The following CRYBG1 variants were observed in gnomAD, a reference collection of about 807,000 sequenced individuals.
The protein encoded by CRYBG1 is beta/gamma crystallin domain-containing protein 1.
Under a neutral mutation model 189.2 loss-of-function variants are expected in CRYBG1, and 139 were observed. The ratio of observed to expected loss-of-function variants is 0.73; its 90% CI spans 0.64 to 0.85. CRYBG1 has a LOEUF of 0.85. Among genes scored for constraint, CRYBG1 ranks in the 40% least tolerant of loss-of-function variants. The pLI is 0.00. For missense variants in CRYBG1, 2,611 were observed against 2,675.8 expected (o/e 0.98, Z 0.53); for synonymous variants, 1,023 against 1,017.1 (o/e 1.01, Z -0.11).
intron 19 of CRYBG1, 28 bp downstream of exon 19, chr6:106,560,954 T>C (rs780043768): frequency 1.3e-6 from 2 of 1,538,642 alleles, no homozygotes; most frequent in Admixed American, 4.6e-5. Flanking sequence ...ATGCTCTGCA[T>C]AGACTCTTCT....
rs1239995873 is a variant in CRYBG1, at chr6:106,519,955, C to A, written c.2747C>A (p.Ser916Tyr). 1 of 1,614,170 alleles carries A rather than the reference C, an allele frequency of 6.2e-7. No homozygotes were observed. The highest frequency in any genetic ancestry group is 1.7e-5 in the Admixed American group (1 of 60,028). Residue 916 changes from serine to tyrosine, a missense_variant, in exon 4 of 22, where the codon TCT becomes TAT. Physicochemically the swap from Ser to Tyr is moderately radical, Grantham distance 144. Coordinates refer to ENST00000633556, the MANE Select transcript of CRYBG1 (RefSeq NM_001371242.2). ...CATAAAGGATGTGTTTTGCCTGTGTCTCGTCAGAACAATGAGAAAATGCCA... is the reference window on the plus strand; with the variant it reads ...CATAAAGGATGTGTTTTGCCTGTGTATCGTCAGAACAATGAGAAAATGCCA... ...ENHKGCVLPV[S>Y]RQNNEKMPLL...
At chr6:106,459,713 A>AT (rs1188703779) in intron 2 of CRYBG1, among the ~76,000 whole-genome samples, 2 of 151,722 alleles carry the variant, frequency 1.3e-5, no homozygotes, top group African/African-American at 2.4e-5. Context: ...TTGCTTCTAC[A>AT]TTTTTTTTCT....
rs71663353 is a variant in CRYBG1 at position 106,416,999 on chromosome 6, C to CTTTTT, written c.174-34675_174-34671dup. Among the ~76,000 whole-genome samples, 528 of 69,492 alleles carry CTTTTT rather than the reference C, an allele frequency of 7.6e-3. 77 individuals are homozygous for CTTTTT. The highest frequency in any genetic ancestry group is 0.029 in the African/African-American group (456 of 15,688). 45.6% of individuals were successfully genotyped at this position (69,492 alleles called of 152,430 possible). A position where few individuals can be genotyped will look rare whatever the true frequency, so the allele number is the denominator to read the frequency against. ...AGAACAAAGGCAATGATGGGATTTACTTTTTTTTTTTTTTTTTTTTTTTTG... is the reference window on the plus strand; with the variant it reads ...AGAACAAAGGCAATGATGGGATTTACTTTTTTTTTTTTTTTTTTTTTTTTTTTTTG... On this transcript the variant is annotated intron_variant, in intron 1 of 21. Transcript: ENST00000633556.
At chr6:106,376,803 A>G (rs1219490317) in intron 1 of CRYBG1, among the ~76,000 whole-genome samples, 1 of 152,190 alleles carries the variant, frequency 6.6e-6, no homozygotes, top group Non-Finnish European at 1.5e-5. Context: ...CCTGGCTGAC[A>G]TCTGAATCCA....
At chr6:106,409,180 AG>A (rs1329199003) in intron 1 of CRYBG1, among the ~76,000 whole-genome samples, 1 of 152,254 alleles carries the variant, frequency 6.6e-6, no homozygotes, top group Admixed American at 6.5e-5. Context: ...GCAAAGTCTC[AG>A]GATACAAAAT....
chr6:106,372,993 C>T (rs527486063), intron 1 of CRYBG1, among the ~76,000 whole-genome samples: 30 of 152,212 alleles, frequency 2.0e-4, no homozygotes, highest in Admixed American at 1.2e-3. Context: ...GCTCATTGAA[C>T]GAGTAGTTGG....
intron 1 of CRYBG1, among the ~76,000 whole-genome samples, chr6:106,421,290 G>A (rs1196226254): frequency 6.6e-6 from 1 of 152,230 alleles, no homozygotes; most frequent in African/African-American, 2.4e-5. Context: ...TGAGGCAGCA[G>A]TTGGCTGGAT....
intron 2 of CRYBG1, among the ~76,000 whole-genome samples, chr6:106,466,468 G>A (rs1026183832): frequency 1.1e-4 from 16 of 152,072 alleles, no homozygotes; most frequent in African/African-American, 2.7e-4. Flanking sequence ...TATTCACTTC[G>A]TGCCTGTTAA....
chr6:106,543,627 CT>C (rs747761201), intron 11 of CRYBG1, 30 bp downstream of exon 11: 5 of 1,590,712 alleles, frequency 3.1e-6, no homozygotes, highest in South Asian at 1.1e-5. Context: ...GTTAGGATTT[CT>C]TTTTTTTCCG....
chr6:106,571,929 A>G lies in CRYBG1; in HGVS notation c.*3363A>G, dbSNP rs1349063417. The G allele has an allele frequency of 9.3e-7, 1 of 1,069,986 alleles. No individual in the cohort carries two copies. Among genetic ancestry groups the G allele is most frequent in the Admixed American group, 1.9e-5 (1 of 52,732 alleles). The allele number at this position is 1,069,986 out of a possible 1,614,324, so 66.3% of individuals were successfully genotyped here. ...AAAAATGTTTGAAAGGGATGGCTAG[A>G]AAAAAATTTGGGCTCACAGGCACTC... On this transcript the variant is annotated 3_prime_UTR_variant, in exon 22 of 22. Transcript: ENST00000633556.
At chr6:106,542,608 CA>C (rs1774158327) in intron 10 of CRYBG1, among the ~76,000 whole-genome samples, 2 of 126,652 alleles carry the variant, frequency 1.6e-5, no homozygotes, top group African/African-American at 5.9e-5. Flanking sequence ...ATGATTAGAA[CA>C]TTTTATTTTA....
chr6:106,416,209 C>A (rs1426060016), intron 1 of CRYBG1, among the ~76,000 whole-genome samples: 1 of 152,220 alleles, frequency 6.6e-6, no homozygotes, highest in Admixed American at 6.5e-5. Flanking sequence ...TCTCTCAATA[C>A]CACTCCCACT....
chr6:106,456,731 T>C (rs1771896518), intron 2 of CRYBG1, among the ~76,000 whole-genome samples: 2 of 152,190 alleles, frequency 1.3e-5, no homozygotes, highest in Admixed American at 1.3e-4. Context: ...TTATGCCTGT[T>C]CCACAAAGGT....
At chr6:106,415,705 GAC>G (rs1771009737) in intron 1 of CRYBG1, among the ~76,000 whole-genome samples, 1 of 151,936 alleles carries the variant, frequency 6.6e-6, no homozygotes, top group Admixed American at 6.5e-5. Context: ...CAGCCTGGGT[GAC>G]AGAGTGAGAC....
chr6:106,458,123 C>T (rs766211631), intron 2 of CRYBG1, among the ~76,000 whole-genome samples: 6 of 152,104 alleles, frequency 3.9e-5, no homozygotes, highest in African/African-American at 7.2e-5. Flanking sequence ...TTTCTGAAGA[C>T]GGAGGAGTGG....
chr6:106,541,631 T>C lies in CRYBG1; in HGVS notation c.4881+10T>C, dbSNP rs1359468895. On this transcript the variant is annotated intron_variant, in intron 10 of 21. Transcript: ENST00000633556. The stretch of plus-strand genomic sequence containing the variant: ...CCCTACAGATCCAAAGGTAAAAATA[T>C]ATATGTATTTTTGTATGTATGTATA... The C allele has an allele frequency of 1.3e-6, 2 of 1,578,882 alleles. No homozygotes were observed. The highest frequency in any genetic ancestry group is 2.2e-5 in the East Asian group (1 of 44,598).
chr6:106,446,014 G>GCACAACACTGTCAGTCAGT lies in CRYBG1; in HGVS notation c.174-5675_174-5657dup, dbSNP rs1289662250. On this transcript the variant is annotated intron_variant, in intron 1 of 21. Coordinates refer to ENST00000633556, the MANE Select transcript of CRYBG1 (RefSeq NM_001371242.2). ...TACCATGTACATGGGTAACCAGCAG[G>GCACAACACTGTCAGTCAGT]CACAACACTGTCAGTCAGTCACATG... 8.7e-4 allele frequency among the ~76,000 whole-genome samples: 132 copies of GCACAACACTGTCAGTCAGT among 152,290 alleles called. 1 individual carries two copies. Among genetic ancestry groups the GCACAACACTGTCAGTCAGT allele is most frequent in the African/African-American group, 3.0e-3 (125 of 41,550 alleles).
At chr6:106,383,620 T>A (rs925397523) in intron 1 of CRYBG1, among the ~76,000 whole-genome samples, 2 of 152,208 alleles carry the variant, frequency 1.3e-5, no homozygotes, top group East Asian at 3.8e-4. Flanking sequence ...CCTGAAAGAC[T>A]GTGAAACAAA....
Position 106,572,002 on chromosome 6 carries a change from A to C in CRYBG1, c.*3436A>C. The C allele has an allele frequency of 6.2e-7, 1 of 1,610,920 alleles. No individual in the cohort carries two copies. The highest frequency in any genetic ancestry group is 8.5e-7 in the Non-Finnish European group (1 of 1,177,444). ...CACTAAACTGCATTTTTATTTAAAC[A>C]ACATTAATTACAGTCTTTCCTCGTG... On this transcript the variant is annotated 3_prime_UTR_variant, in exon 22 of 22. Transcript: ENST00000633556.
Sources: allele counts gnomAD v4.1 joint callset (sites outside exome capture counted in the v4.1 genomes callset), GRCh38; gene constraint gnomAD v4.1.1; transcripts MANE v1.5; gene names NCBI Gene and HGNC (gene_info 2026-07-23, HGNC 2026-07-21).